Variants in SMPD4 observed in about 807,000 individuals in gnomAD.
SMPD4 encodes the protein sphingomyelin phosphodiesterase 4, also known as neutral sphingomyelinase 3.
In SMPD4, 58 loss-of-function variants were observed where a neutral mutation model predicts 97.8. The ratio of observed to expected loss-of-function variants is 0.59; its 90% confidence interval spans 0.48 to 0.74. SMPD4 has a LOEUF of 0.74. SMPD4 is among the 30% of genes least tolerant of loss of function. The pLI is 0.00. For missense variants in SMPD4, 853 were observed against 1,080.5 expected (o/e 0.79, Z 2.95); for synonymous variants, 388 against 450.0 (o/e 0.86, Z 1.74).
chr2:130,167,694 A>T, intron 8 of SMPD4, 104 bp from the exon 9 acceptor site: 1 of 1,312,116 alleles, frequency 7.6e-7, no homozygotes, highest in Non-Finnish European at 1.0e-6. Context: ...GAGCAGGGAC[A>T]GATTACAACT....
chr2:130,164,474 A>G (rs1388451240), intron 9 of SMPD4, 29 bp from the exon 10 acceptor site: 2 of 1,593,096 alleles, frequency 1.3e-6, no homozygotes, highest in African/African-American at 1.3e-5. Context: ...TAGTCAAACC[A>G]TTCTTGACAA....
intron 1 of SMPD4, among the ~76,000 whole-genome samples, chr2:130,178,767 C>T (rs1394869760): frequency 1.3e-5 from 2 of 150,632 alleles, no homozygotes; most frequent in Non-Finnish European, 2.9e-5. Flanking sequence ...TGCACTCTAG[C>T]CGGGGTGATA....
rs749286219 is a variant in SMPD4 at position 130,181,589 on chromosome 2, C to T, written c.-105G>A. The T allele has an allele frequency of 1.0e-5, 16 of 1,604,006 alleles. No homozygotes were observed. The highest frequency in any genetic ancestry group is 1.3e-5 in the African/African-American group (1 of 74,826). The stretch of plus-strand genomic sequence containing the variant: ...GGAAGCCGCCATTCCGCCACGGCGC[C>T]GAAAGTCGTCATCAAGCTGCGCGCA... On this transcript the variant is annotated 5_prime_UTR_variant, in exon 1 of 20. Transcript: ENST00000680298.
intron 1 of SMPD4, among the ~76,000 whole-genome samples, chr2:130,180,385 A>C (rs968951533): frequency 2.2e-5 from 3 of 137,052 alleles, no homozygotes; most frequent in Admixed American, 7.3e-5. Context: ...CAATTCTCTT[A>C]CTCAGCCTCC....
At chr2:130,181,208 C>G in intron 1 of SMPD4, 1 of 1,157,312 alleles carries the variant, frequency 8.6e-7, no homozygotes, top group Non-Finnish European at 1.1e-6. Flanking sequence ...ACACCCACAC[C>G]GCCTGTTGAG....
intron 8 of SMPD4, among the ~76,000 whole-genome samples, chr2:130,168,716 A>ATTTTT (rs915101871): frequency 7.5e-6 from 1 of 132,872 alleles, no homozygotes; most frequent in East Asian, 2.1e-4. Context: ...GGCACTATTA[A>ATTTTT]TTTTTTTTTT....
At chr2:130,159,484 C>A (rs560345435) in intron 11 of SMPD4, 4 of 151,848 alleles carry the variant, frequency 2.6e-5, no homozygotes, top group African/African-American at 9.7e-5. Flanking sequence ...ACTAAAAATA[C>A]AAAAATTAGC....
At chr2:130,171,253 C>T (rs1399684431) in intron 8 of SMPD4, among the ~76,000 whole-genome samples, 1 of 151,142 alleles carries the variant, frequency 6.6e-6, no homozygotes. Flanking sequence ...TACAGGTGTG[C>T]ACCACCATGC....
At chr2:130,180,660 A>G (rs1387906082) in intron 1 of SMPD4, among the ~76,000 whole-genome samples, 1 of 152,230 alleles carries the variant, frequency 6.6e-6, no homozygotes, top group East Asian at 1.9e-4. Context: ...CACTACTACA[A>G]AATGATCAAA....
intron 8 of SMPD4, among the ~76,000 whole-genome samples, chr2:130,167,892 A>G (rs1688082744): frequency 6.6e-6 from 1 of 152,256 alleles, no homozygotes; most frequent in Admixed American, 6.5e-5. Context: ...GATTTGGTCA[A>G]GAATCAACAG....
rs376842429 is a variant in SMPD4, at chr2:130,161,253, C to G, written c.884G>C (p.Arg295Pro). ...GTAGAGGGCGCTGGAGACACTGAGTCGGTAGTGCAGAACCTCCAGCTGAGA... is the reference window on the plus strand; with the variant it reads ...GTAGAGGGCGCTGGAGACACTGAGTGGGTAGTGCAGAACCTCCAGCTGAGA... Reference protein sequence around the residue: ...PHAKLEVLHYRLSVSSALYSP... With the variant: ...PHAKLEVLHYPLSVSSALYSP... Residue 295 changes from arginine (R) to proline (P), a missense_variant, in exon 11 of 20, where the codon CGA becomes CCA. Coordinates refer to ENST00000680298, the MANE Select transcript of SMPD4 (RefSeq NM_017951.5). The G allele has an allele frequency of 2.8e-5, 45 of 1,613,694 alleles. No individual in the cohort carries two copies. Among genetic ancestry groups the G allele is most frequent in the Non-Finnish European group, 3.5e-5 (41 of 1,179,968 alleles).
rs1445413646 is a variant in SMPD4, at chr2:130,172,614, C to A, written c.507+11G>T. 1 of 1,614,082 alleles carries A rather than the reference C, an allele frequency of 6.2e-7. No homozygotes were observed. Among genetic ancestry groups the A allele is most frequent in the African/African-American group, 1.3e-5 (1 of 74,954 alleles). On this transcript the variant is annotated intron_variant, in intron 7 of 19. Coordinates refer to ENST00000680298, the MANE Select transcript of SMPD4 (RefSeq NM_017951.5). The stretch of plus-strand genomic sequence containing the variant: ...CCCCACCTCTCCCAGCAAAAGGCAT[C>A]CCTTCCTTACCTTCTGAGTGATGAG...
chr2:130,173,278 C>A lies in SMPD4; in HGVS notation c.345+1G>T, dbSNP rs780446128. ...CACTCTCGCCACTGTGGTTTACTTA[C>A]AGGCAAGTAGGAGACAGGAAAGTCG... On this transcript the variant is annotated splice_donor_variant, in intron 5 of 19. Transcript: ENST00000680298. LOFTEE classifies it high-confidence loss of function. 7 of 1,613,642 alleles carry A rather than the reference C, an allele frequency of 4.3e-6. No individual in the cohort carries two copies. The highest frequency in any genetic ancestry group is 5.9e-6 in the Non-Finnish European group (7 of 1,179,798).
chr2:130,177,333 C>T (rs192893124), intron 1 of SMPD4, among the ~76,000 whole-genome samples: 2 of 152,242 alleles, frequency 1.3e-5, no homozygotes, highest in East Asian at 3.9e-4. Context: ...CTATCCGCCT[C>T]AGCCTCCCAA....
chr2:130,176,228 T>C (rs1213369972), intron 2 of SMPD4, among the ~76,000 whole-genome samples: 2 of 152,228 alleles, frequency 1.3e-5, no homozygotes, highest in Non-Finnish European at 2.9e-5. Flanking sequence ...GAATACTTCA[T>C]ATCTATTTAA....
intron 13 of SMPD4, 185 bp from the exon 14 acceptor site, chr2:130,156,320 C>T: frequency 1.2e-5 from 8 of 676,160 alleles, no homozygotes; most frequent in Non-Finnish European, 2.0e-5. Context: ...CCAGGGTGGG[C>T]TTTTCCCAGC....
At chr2:130,157,920 C>T (rs564827862) in intron 11 of SMPD4, 13 of 200,184 alleles carry the variant, frequency 6.5e-5, no homozygotes, top group East Asian at 1.4e-4. Flanking sequence ...GTGGAAAGAT[C>T]GCTAAGAAGA....
At chr2:130,169,489 C>T (rs2104881430) in intron 8 of SMPD4, among the ~76,000 whole-genome samples, 1 of 151,896 alleles carries the variant, frequency 6.6e-6, no homozygotes, top group Middle Eastern at 3.4e-3. Context: ...AAAACACATA[C>T]AATAGAGGTG....
At chr2:130,179,724 G>A (rs180752220) in intron 1 of SMPD4, among the ~76,000 whole-genome samples, 28 of 148,598 alleles carry the variant, frequency 1.9e-4, no homozygotes, top group African/African-American at 6.0e-4. Flanking sequence ...GCATGATCTC[G>A]GCTCACTGCA....
Sources: gnomAD v4.1 joint callset for allele counts (sites outside exome capture counted in the v4.1 genomes callset) on GRCh38, gnomAD v4.1.1 for gene constraint, MANE v1.5 for transcripts, NCBI Gene and HGNC (gene_info 2026-07-23, HGNC 2026-07-21) for gene names.